Variants in ASXL1 observed in about 807,000 individuals in gnomAD.
The protein encoded by ASXL1 is polycomb group protein ASXL1.
A neutral mutation model predicts 89.1 loss-of-function variants in ASXL1; 65 were observed. That is an observed-to-expected ratio of 0.73 (90% CI 0.60 to 0.90). ASXL1 has a LOEUF of 0.90. Among genes scored for constraint, ASXL1 ranks in the 40% least tolerant of loss-of-function variants. ASXL1 has a pLI of 0.00. For missense variants in ASXL1, 1,786 were observed against 1,942.9 expected (o/e 0.92, Z 1.52); for synonymous variants, 739 against 746.9 (o/e 0.99, Z 0.17).
At chr20:32,410,131 G>A (rs967050251) in intron 4 of ASXL1, among the ~76,000 whole-genome samples, 1 of 152,122 alleles carries the variant, frequency 6.6e-6, no homozygotes, top group African/African-American at 2.4e-5. Flanking sequence ...GGTGGTGTCT[G>A]CCTTATTTCT....
chr20:32,429,492 C>CT lies in ASXL1; in HGVS notation c.565+62dup, dbSNP rs2011452336. 1 of 1,533,396 alleles carries CT rather than the reference C, an allele frequency of 6.5e-7. No individual in the cohort carries two copies. Among genetic ancestry groups the CT allele is most frequent in the Non-Finnish European group, 9.0e-7 (1 of 1,107,458 alleles). 95.0% of individuals were successfully genotyped at this position (1,533,396 alleles called of 1,614,324 possible). On this transcript the variant is annotated intron_variant, in intron 7 of 12. Coordinates refer to ENST00000375687, the MANE Select transcript of ASXL1 (RefSeq NM_015338.6). The surrounding 1 kb of genome is among the most constrained non-coding windows in gnomAD (Gnocchi z 4.9). ...CAGGTCCTGGGGACCTGGCCTCCCT[C>CT]TGTCAGCAGTTTCTGACCTAATAGT...
intron 1 of ASXL1, among the ~76,000 whole-genome samples, chr20:32,365,718 A>G (rs757349065): frequency 5.9e-5 from 9 of 152,244 alleles, no homozygotes; most frequent in Non-Finnish European, 1.3e-4. Context: ...TGATGCTAAC[A>G]TAAATGGGAT....
In ASXL1 at chr20:32,437,082, C is replaced by T; in HGVS notation, c.4370C>T (p.Ser1457Phe). ...CTGAGTTCCACCAGCTTTAATTATT[C>T]CTCTAGCTCTCCCACCTTTCCCAAA... The part of the protein sequence containing the change: ...LQLSSTSFNY[S>F]SSSPTFPKGL... The change falls in exon 13 of 13, where the codon TCC (serine) becomes TTC (phenylalanine). Residue 1457 changes from serine to phenylalanine, a missense_variant. Around this residue, in one of 3 missense-constraint regions of ASXL1, gnomAD observed 1,418 missense variants for 1,427.8 expected, o/e 0.99. Transcript: ENST00000375687. The T allele has an allele frequency of 1.2e-6, 2 of 1,614,184 alleles. No individual in the cohort carries two copies. The highest frequency in any genetic ancestry group is 1.7e-6 in the Non-Finnish European group (2 of 1,180,042).
At chr20:32,405,867 T>A (rs1404316839) in intron 4 of ASXL1, among the ~76,000 whole-genome samples, 1 of 152,182 alleles carries the variant, frequency 6.6e-6, no homozygotes, top group East Asian at 1.9e-4. Context: ...TAAGGTAGCA[T>A]CTGCCATCCT....
chr20:32,437,478 C>A lies in ASXL1; in HGVS notation c.*140C>A. On this transcript the variant is annotated 3_prime_UTR_variant, in exon 13 of 13. Transcript: ENST00000375687. Reference sequence around the variant, plus strand: ...TTGCCTTCCCCCAAAATTTACACTGCTAAAGCCCTCTGTCACTTGGCGACC... The same window carrying A: ...TTGCCTTCCCCCAAAATTTACACTGATAAAGCCCTCTGTCACTTGGCGACC... 1 of 1,313,320 alleles carries A rather than the reference C, an allele frequency of 7.6e-7. No individual in the cohort carries two copies. Among genetic ancestry groups the A allele is most frequent in the Non-Finnish European group, 1.1e-6 (1 of 935,652 alleles). The allele number at this position is 1,313,320 out of a possible 1,614,324, so 81.4% of individuals were successfully genotyped here.
In ASXL1 at chr20:32,438,515, C is replaced by T. The variant is rs943527740; in HGVS notation, c.*1177C>T. 1.1e-4 allele frequency: 25 copies of T among 233,474 alleles called. No individual in the cohort carries two copies. Among genetic ancestry groups the T allele is most frequent in the Admixed American group, 9.0e-4 (16 of 17,788 alleles). The allele number at this position is 233,474 out of a possible 1,614,324, so 14.5% of individuals were successfully genotyped here. ...GTTGCCCGATGCCCTGTTGGGTCAC[C>T]GGCTGGACCTGCTGCAGCCTGCAGA... On this transcript the variant is annotated 3_prime_UTR_variant, in exon 13 of 13. Coordinates refer to ENST00000375687, the MANE Select transcript of ASXL1 (RefSeq NM_015338.6).
rs756177197 is a variant in ASXL1 at position 32,436,793 on chromosome 20, C to T, written c.4081C>T (p.His1361Tyr). The T allele has an allele frequency of 6.8e-6, 11 of 1,614,208 alleles. No homozygotes were observed. Among genetic ancestry groups the T allele is most frequent in the Non-Finnish European group, 9.3e-6 (11 of 1,180,056 alleles). Reference protein sequence around the residue: ...TPREDWAPKPHAFVGSVKNEK... With the variant: ...TPREDWAPKPYAFVGSVKNEK... ...AAGGGAAGACTGGGCTCCAAAGCCA[C>T]ATGCCTTTGTTGGCAGCGTCAAGAA... The change falls in exon 13 of 13, where the codon CAT becomes TAT. Residue 1361 changes from histidine (H) to tyrosine (Y), a missense_variant. By Grantham distance (83) the His-to-Tyr change is moderately conservative. Coordinates refer to ENST00000375687, the MANE Select transcript of ASXL1 (RefSeq NM_015338.6).
chr20:32,409,216 A>G (rs1314874500), intron 4 of ASXL1, among the ~76,000 whole-genome samples: 1 of 151,390 alleles, frequency 6.6e-6, no homozygotes. Flanking sequence ...CTCGTGATCT[A>G]CCTGCCTTGG....
chr20:32,380,937 A>T (rs1381822896), intron 4 of ASXL1, among the ~76,000 whole-genome samples: 2 of 152,094 alleles, frequency 1.3e-5, no homozygotes, highest in Non-Finnish European at 2.9e-5. Context: ...ACATCATGTC[A>T]CTTTTCTGCT....
intron 4 of ASXL1, among the ~76,000 whole-genome samples, chr20:32,398,829 T>A (rs2048817904): frequency 1.3e-5 from 2 of 151,680 alleles, no homozygotes; most frequent in Non-Finnish European, 3.0e-5. Flanking sequence ...TGGGATGGTC[T>A]CGATCTCCTG....
intron 1 of ASXL1, among the ~76,000 whole-genome samples, chr20:32,365,007 G>A (rs1428296564): frequency 3.9e-5 from 6 of 152,178 alleles, no homozygotes; most frequent in Admixed American, 3.3e-4. Flanking sequence ...TGACACCTGC[G>A]TTTCTGAATT....
At chr20:32,371,108 C>T (rs1048323364) in intron 4 of ASXL1, among the ~76,000 whole-genome samples, 8 of 151,994 alleles carry the variant, frequency 5.3e-5, no homozygotes, top group Middle Eastern at 3.4e-3. Flanking sequence ...CCAGCCTGGG[C>T]CACATAGCAA....
chr20:32,397,926 T>C (rs2048798264), intron 4 of ASXL1, among the ~76,000 whole-genome samples: 1 of 152,230 alleles, frequency 6.6e-6, no homozygotes, highest in Admixed American at 6.5e-5. Context: ...ATCTTTCTGT[T>C]ACAGTACACG....
chr20:32,435,775 T>C lies in ASXL1; in HGVS notation c.3063T>C (p.Ala1021=). Residue 1021 remains alanine, a synonymous_variant, in exon 13 of 13, where the codon GCT becomes GCC. Coordinates refer to ENST00000375687, the MANE Select transcript of ASXL1 (RefSeq NM_015338.6). ...GCAGTGAGGCTGACACTAGAGAAGCTGCAGTGACAAAGGGATCTTCGGTGG... is the reference window on the plus strand; with the variant it reads ...GCAGTGAGGCTGACACTAGAGAAGCCGCAGTGACAAAGGGATCTTCGGTGG... ...EDSSEADTRE[A]AVTKGSSVDK... is the part of the protein sequence containing the mutation. The C allele has an allele frequency of 6.2e-6, 10 of 1,614,078 alleles. No individual in the cohort carries two copies. The highest frequency in any genetic ancestry group is 1.7e-5 in the Admixed American group (1 of 60,020).
At chr20:32,366,237 T>C (rs2048202499) in intron 1 of ASXL1, 147 bp from the exon 2 acceptor site, 1 of 721,400 alleles carries the variant, frequency 1.4e-6, no homozygotes, top group Non-Finnish European at 2.5e-6. Context: ...GATATATGTG[T>C]AATTTGATTT....
chr20:32,375,142 C>T (rs2048355885), intron 4 of ASXL1, among the ~76,000 whole-genome samples: 1 of 152,064 alleles, frequency 6.6e-6, no homozygotes, highest in African/African-American at 2.4e-5. Flanking sequence ...TGCCCAGCCA[C>T]CTCTGAGCAC....
intron 4 of ASXL1, chr20:32,427,642 T>G (rs914762937): frequency 8.6e-5 from 16 of 186,464 alleles, no homozygotes; most frequent in Admixed American, 7.0e-4. Flanking sequence ...AAAACCCAGC[T>G]TAAGCAACAC....
chr20:32,432,119 G>A (rs2011534921), intron 10 of ASXL1, among the ~76,000 whole-genome samples: 1 of 152,188 alleles, frequency 6.6e-6, no homozygotes, highest in Non-Finnish European at 1.5e-5. Flanking sequence ...CCCTAGGTTT[G>A]ATGATTTGCT....
chr20:32,398,338 A>C (rs978048815), intron 4 of ASXL1, among the ~76,000 whole-genome samples: 22 of 151,446 alleles, frequency 1.5e-4, no homozygotes, highest in Non-Finnish European at 2.7e-4. Flanking sequence ...TCTCAGCCTT[A>C]ACCATTTTAA....
Sources: gnomAD v4.1 joint callset for allele counts (sites outside exome capture counted in the v4.1 genomes callset) on GRCh38, gnomAD v4.1.1 for gene constraint, gnomAD v4.1.1 regional missense constraint, Gnocchi (gnomAD v3.1) non-coding constraint, MANE v1.5 for transcripts, NCBI Gene and HGNC (gene_info 2026-07-23, HGNC 2026-07-21) for gene names.